The following IPO7 variants were observed in gnomAD, a reference collection of about 807,000 sequenced individuals.
IPO7 encodes the protein importin 7, also known as importin-7.
In IPO7, 13 loss-of-function variants were observed where a neutral mutation model predicts 136.4. That is an observed-to-expected ratio of 0.10 (90% CI 0.06 to 0.15). The LOEUF is 0.15. IPO7 is among the 10% of genes least tolerant of loss of function. The pLI is 1.00. For synonymous variants in IPO7, 403 were observed against 404.4 expected (o/e 1.00, Z 0.04); for missense variants, 857 against 1,240.6 (o/e 0.69, Z 4.65).
At chr11:9,438,350 G>T in intron 22 of IPO7, 65 bp downstream of exon 22, 1 of 1,031,336 alleles carries the variant, frequency 9.7e-7, no homozygotes. Context: ...CACTGGGCCG[G>T]GCGCAGTGGC....
chr11:9,416,146 T>C (rs1190813842), intron 5 of IPO7, among the ~76,000 whole-genome samples: 1 of 152,156 alleles, frequency 6.6e-6, no homozygotes, highest in African/African-American at 2.4e-5. Context: ...CTGCACTCCA[T>C]CCTGACAGAG....
At position 9,447,884 on chromosome 11, in the gene IPO7, T is replaced by C. The variant is rs540764877; in HGVS notation, c.*2690T>C. ...TGCTATACTCAACTCTGGAAGAGAC[T>C]AGAGTATAGAGCATGAGTGGCAAAA... is the stretch of plus-strand genomic sequence containing the variant. On this transcript the variant is annotated 3_prime_UTR_variant, in exon 25 of 25. Coordinates refer to ENST00000379719, the MANE Select transcript of IPO7 (RefSeq NM_006391.3). 3.9e-5 allele frequency: 6 copies of C among 152,308 alleles called. No homozygotes were observed. Among genetic ancestry groups the C allele is most frequent in the African/African-American group, 1.4e-4 (6 of 41,566 alleles). The allele number at this position is 152,308 out of a possible 1,614,324, so 9.4% of individuals were successfully genotyped here. A position where few individuals can be genotyped will look rare whatever the true frequency, so the allele number is the denominator to read the frequency against.
At chr11:9,434,807 C>T (rs1038098592) in intron 18 of IPO7, 127 bp from the exon 19 acceptor site, 4 of 691,182 alleles carry the variant, frequency 5.8e-6, no homozygotes, top group African/African-American at 3.6e-5. Context: ...CCCCTCCCCC[C>T]AAAAAAAGGT....
chr11:9,415,303 CAA>C (rs1032515143), intron 5 of IPO7, among the ~76,000 whole-genome samples: 4 of 149,638 alleles, frequency 2.7e-5, no homozygotes, highest in African/African-American at 9.8e-5. Flanking sequence ...GCCTGGGCAA[CAA>C]GAGCAAAACT....
At position 9,408,569 on chromosome 11, in the gene IPO7, C is replaced by A. The variant is rs1854920718; in HGVS notation, c.250C>A (p.Pro84Thr). The change falls in exon 3 of 25, where the codon CCA becomes ACA. Residue 84 changes from proline to threonine, a missense_variant. By Grantham distance (38) the Pro-to-Thr change is conservative. This residue lies in a region of IPO7 where 287 missense variants were observed against 307.5 expected (regional missense o/e 0.93). Transcript: ENST00000379719. ...APGDISPYTI[P>T]EEDRHCIREN... ...AGGGGATATATCCCCTTATACTATTCCAGAAGAAGATCGCCATTGTATTCG... is the reference window on the plus strand; with the variant it reads ...AGGGGATATATCCCCTTATACTATTACAGAAGAAGATCGCCATTGTATTCG... 6.2e-7 allele frequency: 1 copy of A among 1,610,622 alleles called. No homozygotes were observed. Among genetic ancestry groups the A allele is most frequent in the East Asian group, 2.2e-5 (1 of 44,764 alleles).
Position 9,423,860 on chromosome 11 carries a change from T to C in IPO7, c.1125T>C (p.Tyr375=), listed in dbSNP as rs775533452. The part of the protein sequence containing the change: ...EELWQEDPYE[Y]IRMKFDVFED... The stretch of plus-strand genomic sequence containing the variant: ...TTTGGCAAGAAGACCCTTACGAATA[T>C]ATACGCATGAAGTTTGGTAAGGAAT... Residue 375 remains tyrosine (Y), a synonymous_variant, in exon 10 of 25, where the codon TAT becomes TAC. Transcript: ENST00000379719. The C allele has an allele frequency of 4.4e-5, 70 of 1,598,588 alleles. No homozygotes were observed. The highest frequency in any genetic ancestry group is 5.7e-5 in the Non-Finnish European group (67 of 1,167,092).
chr11:9,440,477 T>C lies in IPO7; in HGVS notation c.2718T>C (p.Asp906=), dbSNP rs760332505. 6 of 1,613,686 alleles carry C rather than the reference T, an allele frequency of 3.7e-6. No homozygotes were observed. The highest frequency in any genetic ancestry group is 5.1e-6 in the Non-Finnish European group (6 of 1,179,658). The change falls in exon 23 of 25, where the codon GAT becomes GAC. Residue 906 remains aspartate, a synonymous_variant. Coordinates refer to ENST00000379719, the MANE Select transcript of IPO7 (RefSeq NM_006391.3). Reference sequence around the variant, plus strand: ...CAGAGGAACTGGGGAGTGATGAAGATGATATTGATGAAGATGGGCAAGAAT... The same window carrying C: ...CAGAGGAACTGGGGAGTGATGAAGACGATATTGATGAAGATGGGCAAGAAT... ...DETEELGSDE[D]DIDEDGQEYL...
rs546588967 is a variant in IPO7 at position 9,421,869 on chromosome 11, G to A, written c.907-1137G>A. ...TGAGGCAAGAGAATGGCGTGAACCT[G>A]GGGGGTGCAGCTTGCGGTGCGCAGA... On this transcript the variant is annotated intron_variant, in intron 8 of 24. Transcript: ENST00000379719. Among the ~76,000 whole-genome samples the A allele has an allele frequency of 4.2e-4, 64 of 150,830 alleles. No homozygotes were observed. The South Asian group carries it at 0.013, about 31-fold the overall frequency.
At position 9,435,021 on chromosome 11, in the gene IPO7, T is replaced by A; in HGVS notation, c.2162T>A (p.Met721Lys). The change falls in exon 19 of 25, where the codon ATG (methionine) becomes AAG (lysine). Residue 721 changes from methionine (M) to lysine (K), a missense_variant. Coordinates refer to ENST00000379719, the MANE Select transcript of IPO7 (RefSeq NM_006391.3). ...AAGTATCTTGAAATGATATACAGTA[T>A]GTGCAAAAAGGTAGGTCATTTTTAT... ...DTKYLEMIYS[M>K]CKKVLTGVAG... The A allele has an allele frequency of 3.1e-6, 5 of 1,591,146 alleles. No individual in the cohort carries two copies. The highest frequency in any genetic ancestry group is 4.3e-6 in the Non-Finnish European group (5 of 1,160,366).
chr11:9,393,404 C>T (rs1031610058), intron 1 of IPO7, among the ~76,000 whole-genome samples: 12 of 152,024 alleles, frequency 7.9e-5, no homozygotes, highest in African/African-American at 2.7e-4. Context: ...TTTCTTGAGA[C>T]GGAGTCTCAC....
intron 24 of IPO7, 91 bp from the exon 25 acceptor site, chr11:9,445,006 G>A (rs1855509496): frequency 1.2e-6 from 1 of 809,196 alleles, no homozygotes; most frequent in East Asian, 2.5e-5. Context: ...ACTAATGATG[G>A]TTAAGCTACT....
rs1384620531 is a variant in IPO7 at position 9,447,313 on chromosome 11, A to G, written c.*2119A>G. The G allele has an allele frequency of 6.6e-6, 1 of 152,220 alleles. No individual in the cohort carries two copies. The highest frequency in any genetic ancestry group is 2.1e-4 in the South Asian group (1 of 4,834). The allele number at this position is 152,220 out of a possible 1,614,324, so 9.4% of individuals were successfully genotyped here. ...AATGTATTGGCATGTCTTTGAGAAC[A>G]TGTTTTATTGTCTCCTGTGTCATAT... On this transcript the variant is annotated 3_prime_UTR_variant, in exon 25 of 25. Coordinates refer to ENST00000379719, the MANE Select transcript of IPO7 (RefSeq NM_006391.3).
At position 9,430,856 on chromosome 11, in the gene IPO7, T is replaced by C; in HGVS notation, c.1753-19T>C. 1 of 1,608,848 alleles carries C rather than the reference T, an allele frequency of 6.2e-7. No homozygotes were observed. Among genetic ancestry groups the C allele is most frequent in the East Asian group, 2.2e-5 (1 of 44,816 alleles). On this transcript the variant is annotated intron_variant, in intron 15 of 24. Transcript: ENST00000379719. The stretch of plus-strand genomic sequence containing the variant: ...TAATGCTTCAGTGACAAACTTGAGT[T>C]ATATTCTCTTGAATCTAGGCAATGA...
chr11:9,389,571 G>A (rs2133716186), intron 1 of IPO7, among the ~76,000 whole-genome samples: 2 of 152,264 alleles, frequency 1.3e-5, no homozygotes, highest in South Asian at 4.1e-4. Context: ...CTACATGTAA[G>A]TTTTGGATGA....
intron 1 of IPO7, among the ~76,000 whole-genome samples, chr11:9,385,050 T>C (rs1401249372): frequency 2.0e-5 from 3 of 152,136 alleles, no homozygotes; most frequent in African/African-American, 7.2e-5. Flanking sequence ...CTGCCTTTGC[T>C]TCGGATCCTG....
At position 9,391,131 on chromosome 11, in the gene IPO7, T is replaced by C. The variant is rs181875859; in HGVS notation, c.84+6284T>C. On this transcript the variant is annotated intron_variant, in intron 1 of 24. Transcript: ENST00000379719. ...GTTCCTAGTTGGAGGTCAGATGCGGTGGCTCACGCCTGTAATCCAGCACTT... is the reference window on the plus strand; with the variant it reads ...GTTCCTAGTTGGAGGTCAGATGCGGCGGCTCACGCCTGTAATCCAGCACTT... Among the ~76,000 whole-genome samples, 503 of 152,224 alleles carry C rather than the reference T, an allele frequency of 3.3e-3. 2 individuals carry two copies. Among genetic ancestry groups the C allele is most frequent in the African/African-American group, 0.012 (486 of 41,562 alleles).
chr11:9,444,016 T>TA, intron 24 of IPO7, among the ~76,000 whole-genome samples: 1 of 152,280 alleles, frequency 6.6e-6, no homozygotes, highest in African/African-American at 2.4e-5. Context: ...GGCTCACGCC[T>TA]ATAATCCCAG....
intron 6 of IPO7, among the ~76,000 whole-genome samples, chr11:9,419,858 A>G (rs1472004341): frequency 6.6e-6 from 1 of 152,112 alleles, no homozygotes; most frequent in African/African-American, 2.4e-5. Flanking sequence ...ATTAAGCTAC[A>G]ATTGTCGTGG....
Position 9,445,390 on chromosome 11 carries a change from G to C in IPO7, c.*196G>C. ...AGAAATCAGCGGGATTTTGGGGGTG[G>C]GGGGGGATGGGAGGTACCTTAGAGG... On this transcript the variant is annotated 3_prime_UTR_variant, in exon 25 of 25. Transcript: ENST00000379719. 4.0e-6 allele frequency: 1 copy of C among 251,896 alleles called. No homozygotes were observed. Among genetic ancestry groups the C allele is most frequent in the South Asian group, 8.0e-5 (1 of 12,516 alleles). The allele number at this position is 251,896 out of a possible 1,614,324, so 15.6% of individuals were successfully genotyped here.
Sources: gnomAD v4.1 joint callset for allele counts (sites outside exome capture counted in the v4.1 genomes callset) on GRCh38, gnomAD v4.1.1 for gene constraint, gnomAD v4.1.1 regional missense constraint, MANE v1.5 for transcripts, NCBI Gene and HGNC (gene_info 2026-07-23, HGNC 2026-07-21) for gene names.